The following XPO5 variants were observed in gnomAD, a reference collection of about 807,000 sequenced individuals.
XPO5 encodes exportin 5.
Under a neutral mutation model 160.6 loss-of-function variants are expected in XPO5, and 46 were observed. That is an observed-to-expected ratio of 0.29 (90% CI 0.23 to 0.37). The LOEUF (loss-of-function observed/expected upper bound fraction) is 0.37. Ranked by LOEUF, XPO5 falls within the 10% of genes least tolerant of loss-of-function variation. The probability of loss-of-function intolerance (pLI) is 1.00; values close to 1 mark genes in which losing one functional copy is unlikely to be tolerated. For synonymous variants in XPO5, 537 were observed against 519.3 expected (o/e 1.03, Z -0.46); for missense variants, 1,090 against 1,463.9 (o/e 0.74, Z 4.17).
chr6:43,533,261 C>T (rs1238925535), intron 21 of XPO5: 1 of 146,224 alleles, frequency 6.8e-6, no homozygotes, highest in Non-Finnish European at 1.5e-5. Context: ...CACACACACA[C>T]ACGAGGAGGC....
intron 21 of XPO5, among the ~76,000 whole-genome samples, chr6:43,532,275 G>C (rs1794034160): frequency 6.6e-6 from 1 of 152,188 alleles, no homozygotes; most frequent in African/African-American, 2.4e-5. Flanking sequence ...GGACTATCTA[G>C]GCTGAAACAG....
At chr6:43,574,829 T>TA (rs1763214287) in intron 1 of XPO5, among the ~76,000 whole-genome samples, 1 of 152,028 alleles carries the variant, frequency 6.6e-6, no homozygotes, top group South Asian at 2.1e-4. Flanking sequence ...ATATTAATAA[T>TA]AAAAACCAAA....
In XPO5 at chr6:43,526,645, G is replaced by A. The variant is rs1409101695; in HGVS notation, c.2983+40C>T. On this transcript the variant is annotated intron_variant, in intron 27 of 31. Transcript: ENST00000265351. The stretch of plus-strand genomic sequence containing the variant: ...GGTTCAGAAGGAACAGTATTTAGGA[G>A]GCTAAGAGCAGAACTCCAAGGTCTC... 3 of 1,609,940 alleles carry A rather than the reference G, an allele frequency of 1.9e-6. No individual in the cohort carries two copies. In the Admixed American group the frequency reaches 5.0e-5, roughly 27 times the overall value.
Position 43,575,951 on chromosome 6 carries a change from T to C in XPO5, c.-87A>G. On this transcript the variant is annotated 5_prime_UTR_variant, in exon 1 of 32. Transcript: ENST00000265351. ...CTCCCTCGGCGAGACCACCCGTTGGTACCGGGCCGCGGCGGGCGGCGGGGG... is the reference window on the plus strand; with the variant it reads ...CTCCCTCGGCGAGACCACCCGTTGGCACCGGGCCGCGGCGGGCGGCGGGGG... The C allele has an allele frequency of 7.4e-7, 1 of 1,358,158 alleles. No homozygotes were observed. The highest frequency in any genetic ancestry group is 1.0e-6 in the Non-Finnish European group (1 of 977,554). The allele number at this position is 1,358,158 out of a possible 1,614,324, so 84.1% of individuals were successfully genotyped here.
chr6:43,557,822 C>T (rs956765279), intron 12 of XPO5, among the ~76,000 whole-genome samples: 40 of 142,940 alleles, frequency 2.8e-4, no homozygotes, highest in African/African-American at 7.7e-5. Context: ...AGGCTGGGCG[C>T]GGTGGTTCGC....
Position 43,527,757 on chromosome 6 carries a change from C to T in XPO5, c.2823-26G>A, listed in dbSNP as rs762401343. On this transcript the variant is annotated intron_variant, in intron 25 of 31. Coordinates refer to ENST00000265351, the MANE Select transcript of XPO5 (RefSeq NM_020750.3). ...CTGCAGAAAACCAGGGGGCCAAGTT[C>T]CACAGGAGTGCAGAAAAGGAAGGAC... The T allele has an allele frequency of 3.1e-6, 5 of 1,612,022 alleles. No individual in the cohort carries two copies. The Admixed American group carries it at 5.0e-5, about 16-fold the overall frequency.
intron 19 of XPO5, 55 bp from the exon 20 acceptor site, chr6:43,546,807 CA>C: frequency 2.9e-6 from 4 of 1,382,462 alleles, no homozygotes; most frequent in Non-Finnish European, 2.9e-6. Flanking sequence ...AAAAAAAGAC[CA>C]AATACTGTTA....
intron 11 of XPO5, 53 bp downstream of exon 11, chr6:43,560,125 T>A: frequency 6.3e-7 from 1 of 1,583,628 alleles, no homozygotes; most frequent in Non-Finnish European, 8.6e-7. Flanking sequence ...AGCCTCAAAG[T>A]CTTATTATGT....
At chr6:43,533,824 A>G (rs1794151096) in intron 21 of XPO5, 83 bp downstream of exon 21, 1 of 1,034,302 alleles carries the variant, frequency 9.7e-7, no homozygotes, top group South Asian at 1.3e-5. Flanking sequence ...GACAGAGACT[A>G]TGACTCTTAA....
rs947036968 is a variant in XPO5 at position 43,528,726 on chromosome 6, G to A, written c.2775+102C>T. The A allele has an allele frequency of 8.1e-6, 9 of 1,114,166 alleles. No homozygotes were observed. The African/African-American group carries it at 9.3e-5, about 12-fold the overall frequency. The allele number at this position is 1,114,166 out of a possible 1,614,324, so 69.0% of individuals were successfully genotyped here. A position where few individuals can be genotyped will look rare whatever the true frequency, so the allele number is the denominator to read the frequency against. On this transcript the variant is annotated intron_variant, in intron 24 of 31. Coordinates refer to ENST00000265351, the MANE Select transcript of XPO5 (RefSeq NM_020750.3). The stretch of plus-strand genomic sequence containing the variant: ...AGCTCTGCCCAGCCAGTCTGGCAGG[G>A]CTAGTAGACAACACTTCTAGGAGCT...
Position 43,575,947 on chromosome 6 carries a change from T to G in XPO5, c.-83A>C, listed in dbSNP as rs2127761828. On this transcript the variant is annotated 5_prime_UTR_variant, in exon 1 of 32. Transcript: ENST00000265351. ...ACAGCTCCCTCGGCGAGACCACCCG[T>G]TGGTACCGGGCCGCGGCGGGCGGCG... 1 of 1,408,870 alleles carries G rather than the reference T, an allele frequency of 7.1e-7. No individual in the cohort carries two copies. The highest frequency in any genetic ancestry group is 2.5e-5 in the East Asian group (1 of 39,216). The allele number at this position is 1,408,870 out of a possible 1,614,324, so 87.3% of individuals were successfully genotyped here.
intron 6 of XPO5, 93 bp from the exon 7 acceptor site, chr6:43,567,447 G>C (rs1762753687): frequency 1.7e-6 from 2 of 1,196,846 alleles, no homozygotes; most frequent in Non-Finnish European, 2.3e-6. Context: ...CTAATTCTAA[G>C]AAAATTATTT....
At chr6:43,559,416 A>T (rs771369552) in intron 11 of XPO5, among the ~76,000 whole-genome samples, 1 of 152,216 alleles carries the variant, frequency 6.6e-6, no homozygotes, top group Non-Finnish European at 1.5e-5. Flanking sequence ...CAATCTGTCA[A>T]CTGCAAGAGC....
chr6:43,555,601 G>A (rs1762037352), intron 13 of XPO5: 1 of 334,012 alleles, frequency 3.0e-6, no homozygotes, highest in Middle Eastern at 8.9e-4. Context: ...AATGGAAAAT[G>A]ATGGCAAAAC....
At chr6:43,526,839 C>T in intron 26 of XPO5, 92 bp from the exon 27 acceptor site, 1 of 1,344,428 alleles carries the variant, frequency 7.4e-7, no homozygotes, top group South Asian at 1.2e-5. Context: ...CTGTCTCTGG[C>T]CAGGTGAGGA....
At chr6:43,547,497 C>T in intron 19 of XPO5, 111 bp downstream of exon 19, 1 of 931,566 alleles carries the variant, frequency 1.1e-6, no homozygotes, top group Non-Finnish European at 1.7e-6. Context: ...GTGGAGACTC[C>T]CACGTTTCTC....
intron 7 of XPO5, chr6:43,566,733 C>T (rs1477077144): frequency 1.1e-5 from 3 of 271,422 alleles, no homozygotes; most frequent in Admixed American, 3.3e-5. Flanking sequence ...TCGCTTGAAC[C>T]CGGAAGGCGG....
rs753397086 is a variant in XPO5, at chr6:43,554,422, C to CTT, written c.1442-921_1442-920dup. Among the ~76,000 whole-genome samples the CTT allele has an allele frequency of 2.8e-3, 388 of 136,854 alleles. 2 individuals are homozygous for CTT. The highest frequency in any genetic ancestry group is 9.6e-3 in the African/African-American group (359 of 37,494). 89.8% of individuals were successfully genotyped at this position (136,854 alleles called of 152,430 possible). ...CACTGTGCCCAGCCGCTTTTCTTTT[C>CTT]TTTTTTTTTTTTTTCTTTTTTGAGA... On this transcript the variant is annotated intron_variant, in intron 13 of 31. Coordinates refer to ENST00000265351, the MANE Select transcript of XPO5 (RefSeq NM_020750.3).
intron 20 of XPO5, among the ~76,000 whole-genome samples, chr6:43,538,316 C>G (rs1478777064): frequency 6.6e-6 from 1 of 151,552 alleles, no homozygotes; most frequent in East Asian, 2.0e-4. Context: ...CACCTGGTTA[C>G]TTTTTTAAAT....
Sources: gnomAD v4.1 joint callset for allele counts (sites outside exome capture counted in the v4.1 genomes callset) on GRCh38, gnomAD v4.1.1 for gene constraint, MANE v1.5 for transcripts, NCBI Gene and HGNC (gene_info 2026-07-23, HGNC 2026-07-21) for gene names.